BMP6: variants seen among roughly 807,000 people sequenced by gnomAD.
BMP6 encodes bone morphogenetic protein 6.
BMP6 carries 17 observed loss-of-function variants against 54.1 expected under a neutral mutation model. The observed-to-expected ratio is 0.31, with a 90% CI of 0.22 to 0.47. The LOEUF (loss-of-function observed/expected upper bound fraction) is 0.47, where lower values mean the gene tolerates loss of function less well. Ranked by LOEUF, BMP6 falls within the 20% of genes least tolerant of loss-of-function variation. The pLI is 1.00. For missense variants in BMP6, 720 were observed against 690.4 expected (o/e 1.04, Z -0.48); for synonymous variants, 328 against 291.2 (o/e 1.13, Z -1.28).
intron 1 of BMP6, among the ~76,000 whole-genome samples, chr6:7,738,604 G>A (rs995742487): frequency 1.3e-5 from 2 of 151,660 alleles, no homozygotes; most frequent in Admixed American, 1.3e-4. Context: ...GTTCCAGGTT[G>A]GACCCTCATT....
intron 1 of BMP6, among the ~76,000 whole-genome samples, chr6:7,760,822 T>G (rs1268914014): frequency 6.6e-6 from 1 of 152,136 alleles, no homozygotes; most frequent in African/African-American, 2.4e-5. Flanking sequence ...AAAGTTAAAG[T>G]AAAGTTTTGA....
At chr6:7,794,310 T>C (rs917019585) in intron 1 of BMP6, among the ~76,000 whole-genome samples, 5 of 152,220 alleles carry the variant, frequency 3.3e-5, no homozygotes, top group Non-Finnish European at 7.3e-5. Flanking sequence ...GCTTCATGTC[T>C]AGTAGCCCAA....
At chr6:7,792,051 T>A (rs145579075) in intron 1 of BMP6, among the ~76,000 whole-genome samples, 2,266 of 152,134 alleles carry the variant, frequency 0.015, 20 homozygotes, top group Non-Finnish European at 0.021. Context: ...TTTTAAGGAA[T>A]TAATCTTGAG....
intron 1 of BMP6, among the ~76,000 whole-genome samples, chr6:7,765,653 G>A (rs1300350674): frequency 6.6e-6 from 1 of 152,202 alleles, no homozygotes; most frequent in Non-Finnish European, 1.5e-5. Flanking sequence ...CGGCAAGCAT[G>A]TTTCTTGTGG....
chr6:7,822,359 G>T (rs1194683396), intron 1 of BMP6, among the ~76,000 whole-genome samples: 1 of 152,226 alleles, frequency 6.6e-6, no homozygotes, highest in Non-Finnish European at 1.5e-5. Flanking sequence ...ATGGGACGTG[G>T]TCTGCAGAGA....
intron 1 of BMP6, among the ~76,000 whole-genome samples, chr6:7,782,576 G>A (rs1757963120): frequency 6.6e-6 from 1 of 152,122 alleles, no homozygotes; most frequent in African/African-American, 2.4e-5. Flanking sequence ...CAGGTGAGGT[G>A]GCCCACGCCT....
chr6:7,820,700 C>G (rs990045766), intron 1 of BMP6, among the ~76,000 whole-genome samples: 1 of 152,096 alleles, frequency 6.6e-6, no homozygotes, highest in Non-Finnish European at 1.5e-5. Flanking sequence ...CTGAGTTGCT[C>G]GTTCTTCATC....
At chr6:7,800,137 A>C (rs1758249064) in intron 1 of BMP6, among the ~76,000 whole-genome samples, 1 of 150,170 alleles carries the variant, frequency 6.7e-6, no homozygotes, top group Non-Finnish European at 1.5e-5. Context: ...AAAAGAAGCC[A>C]CCCTGGCATA....
intron 1 of BMP6, among the ~76,000 whole-genome samples, chr6:7,774,661 A>G (rs1393127285): frequency 6.6e-6 from 1 of 152,228 alleles, no homozygotes; most frequent in Admixed American, 6.5e-5. Flanking sequence ...GTGAGCCCAG[A>G]TCGTGCCACT....
intron 1 of BMP6, among the ~76,000 whole-genome samples, chr6:7,781,980 A>C (rs1427439709): frequency 2.0e-5 from 3 of 151,442 alleles, no homozygotes. Context: ...CCTTGATCAC[A>C]CTTGGAAGGG....
chr6:7,750,639 G>A (rs1348315073), intron 1 of BMP6, among the ~76,000 whole-genome samples: 2 of 152,082 alleles, frequency 1.3e-5, no homozygotes, highest in African/African-American at 4.8e-5. Context: ...TTTCCAGCTG[G>A]TTCTGGAACT....
chr6:7,811,093 G>A (rs116682995), intron 1 of BMP6, among the ~76,000 whole-genome samples: 4 of 152,178 alleles, frequency 2.6e-5, no homozygotes, highest in African/African-American at 4.8e-5. Context: ...GCTTTGGGAC[G>A]AATCAGTCCC....
chr6:7,762,657 A>C (rs925825530), intron 1 of BMP6, among the ~76,000 whole-genome samples: 1 of 152,246 alleles, frequency 6.6e-6, no homozygotes, highest in African/African-American at 2.4e-5. Context: ...AGCTCTGAAC[A>C]TAATTGCATC....
chr6:7,792,351 C>T (rs6917985), intron 1 of BMP6, among the ~76,000 whole-genome samples: 12,920 of 152,212 alleles, frequency 0.085, 667 homozygotes, highest in African/African-American at 0.14. Context: ...AACTGGGGAC[C>T]GTACCCTTGC....
chr6:7,820,878 G>A (rs971877654), intron 1 of BMP6, among the ~76,000 whole-genome samples: 3 of 152,176 alleles, frequency 2.0e-5, no homozygotes, highest in Non-Finnish European at 4.4e-5. Context: ...CTCAGAAGGA[G>A]CACGCGATCT....
At chr6:7,815,681 T>C (rs566228936) in intron 1 of BMP6, among the ~76,000 whole-genome samples, 2 of 152,282 alleles carry the variant, frequency 1.3e-5, no homozygotes, top group East Asian at 3.9e-4. Flanking sequence ...AATACTAAAA[T>C]TTAAAAATAC....
At chr6:7,878,675 CCT>C (rs5874119) in intron 4 of BMP6, among the ~76,000 whole-genome samples, 76,646 of 151,910 alleles carry the variant, frequency 0.5, 20,928 homozygotes, top group East Asian at 0.77. Context: ...CAAAATGCTC[CCT>C]GTTTGGACTG....
chr6:7,762,345 T>C (rs1757625892), intron 1 of BMP6, among the ~76,000 whole-genome samples: 1 of 152,230 alleles, frequency 6.6e-6, no homozygotes, highest in Admixed American at 6.5e-5. Context: ...AGTGACATCC[T>C]GGGTTGACAC....
rs1326090939 is a variant in BMP6 at position 7,874,097 on chromosome 6, A to G, written c.1205-4977A>G. ...GGTCTTCAGGAGACTCCCCTGCTGC[A>G]CCCAGCTGGCAGGAGAGGAAAGAGT... On this transcript the variant is annotated intron_variant, in intron 4 of 6. Transcript: ENST00000283147. Among the ~76,000 whole-genome samples the G allele has an allele frequency of 2.0e-5, 3 of 152,278 alleles. No homozygotes were observed. The East Asian group carries it at 5.8e-4, about 29-fold the overall frequency.
Sources: gnomAD v4.1 joint callset for allele counts (sites outside exome capture counted in the v4.1 genomes callset) on GRCh38, gnomAD v4.1.1 for gene constraint, MANE v1.5 for transcripts, NCBI Gene and HGNC (gene_info 2026-07-23, HGNC 2026-07-21) for gene names.